DPP9: variants seen among roughly 807,000 people sequenced by gnomAD.
The protein encoded by DPP9 is dipeptidyl peptidase 9.
A neutral mutation model predicts 110.7 loss-of-function variants in DPP9; 50 were observed. That is an observed-to-expected ratio of 0.45 (90% confidence interval 0.36 to 0.57). DPP9 has a LOEUF of 0.57. DPP9 is among the 20% of genes least tolerant of loss of function. DPP9 has a pLI of 0.00. For missense variants in DPP9, 1,022 were observed against 1,217.9 expected (o/e 0.84, Z 2.39); for synonymous variants, 561 against 514.4 (o/e 1.09, Z -1.23).
At chr19:4,711,983 A>G (rs1262921388) in intron 4 of DPP9, among the ~76,000 whole-genome samples, 1 of 151,892 alleles carries the variant, frequency 6.6e-6, no homozygotes, top group African/African-American at 2.4e-5. Flanking sequence ...CCCTGAGGAA[A>G]CCTTGATCTT....
intron 4 of DPP9, among the ~76,000 whole-genome samples, chr19:4,709,006 C>T (rs1248022726): frequency 6.6e-6 from 1 of 152,226 alleles, no homozygotes; most frequent in Admixed American, 6.5e-5. Flanking sequence ...CAACCTCCAC[C>T]TCCTGGGTTC....
chr19:4,694,443 T>G lies in DPP9; in HGVS notation c.1516+218A>C. The G allele has an allele frequency of 1.6e-6, 1 of 614,818 alleles. No homozygotes were observed. Among genetic ancestry groups the G allele is most frequent in the Non-Finnish European group, 2.8e-6 (1 of 358,628 alleles). The allele number at this position is 614,818 out of a possible 1,614,324, so 38.1% of individuals were successfully genotyped here. A position where few individuals can be genotyped will look rare whatever the true frequency, so the allele number is the denominator to read the frequency against. The stretch of plus-strand genomic sequence containing the variant: ...TGCTAAGGGCCTGGCACAGGGGAGG[T>G]GCTCAGTAAATCTGCTGCCTGAATA... On this transcript the variant is annotated intron_variant, in intron 13 of 21. Transcript: ENST00000262960. The surrounding 1 kb of genome is among the most constrained non-coding windows in gnomAD (Gnocchi z 4.0).
intron 4 of DPP9, among the ~76,000 whole-genome samples, chr19:4,706,520 C>A (rs1485836675): frequency 2.0e-5 from 3 of 150,504 alleles, no homozygotes; most frequent in Admixed American, 2.0e-4. Flanking sequence ...GCAAAACCAT[C>A]AAAAAGGAAT....
chr19:4,702,216 A>C lies in DPP9; in HGVS notation c.884-61T>G, dbSNP rs1599917974. 26 of 1,540,982 alleles carry C rather than the reference A, an allele frequency of 1.7e-5. No individual in the cohort carries two copies. The Middle Eastern group carries it at 1.5e-3, about 88-fold the overall frequency. ...CAGAGGCAGAGTCCCTGCCATCAGC[A>C]CCCCCCGCCCCCTGCAGCACCGGGG... On this transcript the variant is annotated intron_variant, in intron 8 of 21. Coordinates refer to ENST00000262960, the MANE Select transcript of DPP9 (RefSeq NM_139159.5).
intron 14 of DPP9, among the ~76,000 whole-genome samples, chr19:4,690,326 G>A (rs192572207): frequency 3.7e-4 from 57 of 152,356 alleles, no homozygotes; most frequent in African/African-American, 1.3e-3. Flanking sequence ...GAAAGGAGCC[G>A]GGAGGCCTCA....
At chr19:4,680,973 C>T (rs2089788367) in intron 20 of DPP9, among the ~76,000 whole-genome samples, 2 of 152,022 alleles carry the variant, frequency 1.3e-5, no homozygotes, top group Non-Finnish European at 2.9e-5. Context: ...AAAACAAAAA[C>T]CCACCTAGGT....
Position 4,714,199 on chromosome 19 carries a change from G to T in DPP9, c.195C>A (p.Ser65Arg), listed in dbSNP as rs763126423. The T allele has an allele frequency of 6.2e-7, 1 of 1,609,068 alleles. No homozygotes were observed. The change falls in exon 4 of 22, where the codon AGC becomes AGA. Residue 65 changes from serine (S) to arginine (R), a missense_variant. Ser to Arg is a moderately radical substitution (Grantham distance 110). Transcript: ENST00000262960. ...VQKHSWDGLR[S>R]IIHGSRKYSG... The stretch of plus-strand genomic sequence containing the variant: ...AGTACTTGCGGCTGCCGTGGATGAT[G>T]CTCCGGAGCCCGTCCCACGAGTGCT...
In DPP9 at chr19:4,710,291, G is replaced by A. The variant is rs1394263782; in HGVS notation, c.313+3790C>T. Among the ~76,000 whole-genome samples, 4 of 152,200 alleles carry A rather than the reference G, an allele frequency of 2.6e-5. No individual in the cohort carries two copies. The highest frequency in any genetic ancestry group is 2.1e-4 in the South Asian group (1 of 4,826). On this transcript the variant is annotated intron_variant, in intron 4 of 21. Coordinates refer to ENST00000262960, the MANE Select transcript of DPP9 (RefSeq NM_139159.5). The surrounding 1 kb of genome is among the most constrained non-coding windows in gnomAD (Gnocchi z 5.6). ...CCCCTGGATCTCAGCCTGGGACGTC[G>A]GGAGACAGGAATTCTTGCTTTCCCT...
In DPP9 at chr19:4,688,674, C is replaced by T. The variant is rs985821586; in HGVS notation, c.1885+83G>A. The T allele has an allele frequency of 3.7e-5, 50 of 1,350,752 alleles. No homozygotes were observed. The Middle Eastern group carries it at 8.0e-4, about 22-fold the overall frequency. The allele number at this position is 1,350,752 out of a possible 1,614,324, so 83.7% of individuals were successfully genotyped here. A position where few individuals can be genotyped will look rare whatever the true frequency, so the allele number is the denominator to read the frequency against. On this transcript the variant is annotated intron_variant, in intron 16 of 21. Transcript: ENST00000262960. ...AGGCAGGCCAGCTCCAGGCCTCTGCCTCTTTCCCCAGCATGGGGCCCTCGT... is the reference window on the plus strand; with the variant it reads ...AGGCAGGCCAGCTCCAGGCCTCTGCTTCTTTCCCCAGCATGGGGCCCTCGT...
Position 4,685,362 on chromosome 19 carries a change from G to C in DPP9, c.2031+264C>G. On this transcript the variant is annotated intron_variant, in intron 17 of 21. Transcript: ENST00000262960. This position sits in a 1 kb window ranked among gnomAD's most constrained non-coding sequence, Gnocchi z 5.8. ...AACCTGGAGACTAGGGGACTTCCTA[G>C]AGGAACAAGGGAGAGTCAGCAGGCG... 1.6e-6 allele frequency: 1 copy of C among 632,758 alleles called. No individual in the cohort carries two copies. Among genetic ancestry groups the C allele is most frequent in the Admixed American group, 2.1e-5 (1 of 47,640 alleles). 39.2% of individuals were successfully genotyped at this position (632,758 alleles called of 1,614,324 possible).
At chr19:4,714,012 C>T (rs2092960132) in intron 4 of DPP9, 69 bp downstream of exon 4, 2 of 1,511,302 alleles carry the variant, frequency 1.3e-6, no homozygotes, top group South Asian at 2.6e-5. Context: ...CCTCTGGGAA[C>T]AGAGAGGACC....
At position 4,695,499 on chromosome 19, in the gene DPP9, G is replaced by T. The variant is rs766393782; in HGVS notation, c.1232C>A (p.Pro411His). Reference sequence around the variant, plus strand: ...TGTGCTCGGGATGAACAGGGCCGGGGGGAGGAGGACGAGCTGGAGCCACTG... The same window carrying T: ...TGTGCTCGGGATGAACAGGGCCGGGTGGAGGAGGACGAGCTGGAGCCACTG... The part of the protein sequence containing the change: ...PQQWLQLVLL[P>H]PALFIPSTEN... Residue 411 changes from proline (P) to histidine (H), a missense_variant, in exon 12 of 22, where the codon CCC (proline) becomes CAC (histidine). Coordinates refer to ENST00000262960, the MANE Select transcript of DPP9 (RefSeq NM_139159.5). The surrounding 1 kb of genome is among the most constrained non-coding windows in gnomAD (Gnocchi z 4.7). The T allele has an allele frequency of 2.8e-5, 43 of 1,559,306 alleles. No individual in the cohort carries two copies. Among genetic ancestry groups the T allele is most frequent in the African/African-American group, 5.5e-5 (4 of 72,582 alleles).
intron 11 of DPP9, among the ~76,000 whole-genome samples, chr19:4,697,019 A>G (rs2091860928): frequency 6.6e-6 from 1 of 151,806 alleles, no homozygotes; most frequent in South Asian, 2.1e-4. Context: ...GGATTGCTTG[A>G]GCCTGGGAAT....
At chr19:4,703,816 G>T in intron 7 of DPP9, 70 bp downstream of exon 7, 1 of 1,499,764 alleles carries the variant, frequency 6.7e-7, no homozygotes, top group Non-Finnish European at 9.0e-7. Flanking sequence ...CTGGCTGTGG[G>T]GGCAATGGGG....
In DPP9 at chr19:4,676,566, A is replaced by C; in HGVS notation, c.2677T>G (p.Ter893GlyextTer59). ...TLLHFLQEYL[*>G] is the part of the protein sequence containing the mutation. ...GTGGCGGCTCCCGGTGGGCAGGCTC[A>C]GAGGTATTCCTGTAGAAAGTGCAGC... is the stretch of plus-strand genomic sequence containing the variant. Residue 893 changes from the stop codon to glycine (G), a stop_lost, in exon 22 of 22, where the codon TGA becomes GGA. Coordinates refer to ENST00000262960, the MANE Select transcript of DPP9 (RefSeq NM_139159.5). This position sits in a 1 kb window ranked among gnomAD's most constrained non-coding sequence, Gnocchi z 4.0. The C allele has an allele frequency of 6.3e-7, 1 of 1,594,218 alleles. No individual in the cohort carries two copies. The highest frequency in any genetic ancestry group is 8.5e-7 in the Non-Finnish European group (1 of 1,171,122).
chr19:4,684,519 G>A lies in DPP9; in HGVS notation c.2178+144C>T, dbSNP rs1477507353. On this transcript the variant is annotated intron_variant, in intron 18 of 21. Transcript: ENST00000262960. This position sits in a 1 kb window ranked among gnomAD's most constrained non-coding sequence, Gnocchi z 4.8. The stretch of plus-strand genomic sequence containing the variant: ...ACATCCCCTTTTGTTCTAAAAGGGC[G>A]CCTCATTGAGCCTGCGTCACCCCAG... The A allele has an allele frequency of 4.7e-6, 4 of 857,450 alleles. No individual in the cohort carries two copies. Among genetic ancestry groups the A allele is most frequent in the East Asian group, 2.7e-5 (1 of 37,668 alleles). 53.1% of individuals were successfully genotyped at this position (857,450 alleles called of 1,614,324 possible).
rs76180631 is a variant in DPP9, at chr19:4,711,036, C to T, written c.313+3045G>A. Among the ~76,000 whole-genome samples the T allele has an allele frequency of 5.1e-3, 770 of 152,226 alleles. 8 individuals carry two copies. Among genetic ancestry groups the T allele is most frequent in the Non-Finnish European group, 8.2e-3 (561 of 68,018 alleles). On this transcript the variant is annotated intron_variant, in intron 4 of 21. Transcript: ENST00000262960. ...TTGTCCCGGAAATTTGGAGAAAGTT[C>T]CTCCGTTTCTGCTGGTGGCTAGAAC...
At chr19:4,705,713 C>A in intron 5 of DPP9, 145 bp downstream of exon 5, 1 of 693,294 alleles carries the variant, frequency 1.4e-6, no homozygotes, top group Non-Finnish European at 2.4e-6. Flanking sequence ...GGAAGGCTCA[C>A]CCGCCAGAGT....
At chr19:4,686,149 G>A (rs2090668914) in intron 16 of DPP9, among the ~76,000 whole-genome samples, 1 of 147,470 alleles carries the variant, frequency 6.8e-6, no homozygotes, top group African/African-American at 2.5e-5. Context: ...ACAAAGTCTT[G>A]TGATCTTGGC....
Sources: gnomAD v4.1 joint callset for allele counts (sites outside exome capture counted in the v4.1 genomes callset) on GRCh38, gnomAD v4.1.1 for gene constraint, Gnocchi (gnomAD v3.1) non-coding constraint, MANE v1.5 for transcripts, NCBI Gene and HGNC (gene_info 2026-07-23, HGNC 2026-07-21) for gene names.